Variants in TNS2 observed in about 807,000 individuals in gnomAD.
TNS2 encodes the protein tensin-2.
In TNS2, 77 loss-of-function variants were observed where a neutral mutation model predicts 155.7. That is an observed-to-expected ratio of 0.49 (90% CI 0.41 to 0.60). The LOEUF is 0.60. TNS2 is among the 20% of genes least tolerant of loss of function. The pLI, the probability that TNS2 is intolerant of heterozygous loss-of-function variation, is 0.00. For missense variants in TNS2, 1,703 were observed against 1,868.8 expected (o/e 0.91, Z 1.64); for synonymous variants, 726 against 763.9 (o/e 0.95, Z 0.82).
Position 53,060,545 on chromosome 12 carries a change from G to A in TNS2, c.2758G>A (p.Gly920Ser). ...CCTGCACACCAGCAGTCCAGTCCAG[G>A]GCAAGGAAAGGTATGCAGAGGGGCC... ...TPLHTSSPVQGKESTRRQDTR... is the reference protein window; with the variant it reads ...TPLHTSSPVQSKESTRRQDTR... The change falls in exon 19 of 29, where the codon GGC (glycine) becomes AGC (serine). Residue 920 changes from glycine (G) to serine (S), a missense_variant. Gly to Ser is a moderately conservative substitution (Grantham distance 56). Coordinates refer to ENST00000314250, the MANE Select transcript of TNS2 (RefSeq NM_170754.4). The surrounding 1 kb of genome is among the most constrained non-coding windows in gnomAD (Gnocchi z 6.1). The A allele has an allele frequency of 6.2e-7, 1 of 1,613,538 alleles. No individual in the cohort carries two copies. Among genetic ancestry groups the A allele is most frequent in the Non-Finnish European group, 8.5e-7 (1 of 1,179,934 alleles).
upstream of TNS2, among the ~76,000 whole-genome samples, chr12:53,047,551 CG>C (rs1458688832): frequency 6.2e-4 from 93 of 149,986 alleles, no homozygotes; most frequent in Non-Finnish European, 3.9e-4. Flanking sequence ...CTGGGAGCAG[CG>C]GGAGGCCGGG....
rs1944357898 is a variant in TNS2 at position 53,060,880 on chromosome 12, C to G, written c.2974C>G (p.Pro992Ala). 1 of 1,591,434 alleles carries G rather than the reference C, an allele frequency of 6.3e-7. No individual in the cohort carries two copies. Among genetic ancestry groups the G allele is most frequent in the Non-Finnish European group, 8.6e-7 (1 of 1,166,846 alleles). Reference sequence around the variant, plus strand: ...CAGTGACTGGCCTCAGGAAAGGAGTCCAGGGGGCCACTCAGATGGCGCCAG... The same window carrying G: ...CAGTGACTGGCCTCAGGAAAGGAGTGCAGGGGGCCACTCAGATGGCGCCAG... ...SPSDWPQERS[P>A]GGHSDGASPR... is the part of the protein sequence containing the mutation. The change falls in exon 20 of 29, where the codon CCA becomes GCA. Residue 992 changes from proline to alanine, a missense_variant. Transcript: ENST00000314250. The surrounding 1 kb of genome is among the most constrained non-coding windows in gnomAD (Gnocchi z 6.1).
intron 10 of TNS2, 125 bp downstream of exon 10, chr12:53,055,970 T>TATCTCCCCTGGAGC: frequency 4.2e-6 from 4 of 958,132 alleles, no homozygotes; most frequent in Admixed American, 2.5e-5. Context: ...GCTTAGCACT[T>TATCTCCCCTGGAGC]CCACCTCCCT....
At position 53,050,372 on chromosome 12, in the gene TNS2, C is replaced by A; in HGVS notation, c.75+112C>A. On this transcript the variant is annotated intron_variant, in intron 1 of 28. Coordinates refer to ENST00000314250, the MANE Select transcript of TNS2 (RefSeq NM_170754.4). This position sits in a 1 kb window ranked among gnomAD's most constrained non-coding sequence, Gnocchi z 4.7. ...TCTTCCCAATTTCAGCTTCCTCAGC[C>A]TTCTTCCCTGGCCCAGCATCCCCTC... The A allele has an allele frequency of 7.9e-7, 1 of 1,272,258 alleles. No homozygotes were observed. Among genetic ancestry groups the A allele is most frequent in the Non-Finnish European group, 1.1e-6 (1 of 931,804 alleles). The allele number at this position is 1,272,258 out of a possible 1,614,324, so 78.8% of individuals were successfully genotyped here.
chr12:53,057,385 T>C (rs1944197904), intron 11 of TNS2, among the ~76,000 whole-genome samples, 182 bp from the exon 12 acceptor site: 1 of 152,032 alleles, frequency 6.6e-6, no homozygotes, highest in Non-Finnish European at 1.5e-5. Flanking sequence ...GGAAAGAGCT[T>C]TGAGGCAGAG....
Position 53,063,236 on chromosome 12 carries a change from C to T in TNS2, c.3971C>T (p.Thr1324Ile). The change falls in exon 26 of 29, where the codon ACA becomes ATA. Residue 1324 changes from threonine (T) to isoleucine (I), a missense_variant. Coordinates refer to ENST00000314250, the MANE Select transcript of TNS2 (RefSeq NM_170754.4). The surrounding 1 kb of genome is among the most constrained non-coding windows in gnomAD (Gnocchi z 5.6). Reference protein sequence around the residue: ...VHFKVSAQGITLTDNQRKLFF... With the variant: ...VHFKVSAQGIILTDNQRKLFF... ...TTCAAGGTGTCAGCCCAGGGCATTA[C>T]ACTGACGGACAACCAAAGGAAGTAT... 1.2e-6 allele frequency: 2 copies of T among 1,612,808 alleles called. No homozygotes were observed. Among genetic ancestry groups the T allele is most frequent in the South Asian group, 1.1e-5 (1 of 90,926 alleles).
In TNS2 at chr12:53,059,159, G is replaced by A. The variant is rs779593342; in HGVS notation, c.1518G>A (p.Met506Ile). The change falls in exon 18 of 29, where the codon ATG becomes ATA. Residue 506 changes from methionine (M) to isoleucine (I), a missense_variant. Transcript: ENST00000314250. This position sits in a 1 kb window ranked among gnomAD's most constrained non-coding sequence, Gnocchi z 4.7. ...CTCCAGAGCCTCCACCACCCCCCAT[G>A]CTCTCTGTCAGCAGCGACTCAGGCC... ...APSPEPPPPPMLSVSSDSGHS... is the reference protein window; with the variant it reads ...APSPEPPPPPILSVSSDSGHS... The A allele has an allele frequency of 1.9e-6, 3 of 1,599,630 alleles. 1 individual carries two copies. Among genetic ancestry groups the A allele is most frequent in the South Asian group, 2.2e-5 (2 of 90,312 alleles).
At chr12:53,052,595 CCCTCTCA>C in intron 3 of TNS2, 103 bp downstream of exon 3, 1 of 1,482,020 alleles carries the variant, frequency 6.7e-7, no homozygotes, top group Non-Finnish European at 9.4e-7. Flanking sequence ...CCACCTCCAC[CCCTCTCA>C]CCACTGGGGA....
intron 6 of TNS2, 54 bp from the exon 7 acceptor site, chr12:53,054,216 A>G (rs1944044004): frequency 1.2e-6 from 2 of 1,608,382 alleles, no homozygotes; most frequent in African/African-American, 1.3e-5. Context: ...CCGTCACACT[A>G]GCCACCTCCG....
At chr12:53,062,890 G>C (rs75499526) in intron 25 of TNS2, 193 bp downstream of exon 25, 1 of 924,482 alleles carries the variant, frequency 1.1e-6, no homozygotes, top group African/African-American at 1.7e-5. Context: ...TGAACAAGAC[G>C]ATCATGGGGT....
In TNS2 at chr12:53,063,880, T is replaced by C; in HGVS notation, c.4228T>C (p.Ter1410ArgextTer38). The C allele has an allele frequency of 6.2e-7, 1 of 1,613,730 alleles. No individual in the cohort carries two copies. The highest frequency in any genetic ancestry group is 8.5e-7 in the Non-Finnish European group (1 of 1,179,918). The change falls in exon 29 of 29, where the codon TGA becomes CGA. Residue 1410 changes from the stop codon to arginine (R), a stop_lost. Coordinates refer to ENST00000314250, the MANE Select transcript of TNS2 (RefSeq NM_170754.4). The surrounding 1 kb of genome is among the most constrained non-coding windows in gnomAD (Gnocchi z 5.6). ...ITKVLLGQRK[*>R] ...CAAAGTTCTACTGGGCCAGAGAAAA[T>C]GAAGGAAGGCCACAAGCTCAGAGCC...
intron 21 of TNS2, 167 bp from the exon 22 acceptor site, chr12:53,061,648 G>A (rs1343268512): frequency 1.5e-6 from 2 of 1,370,194 alleles, no homozygotes; most frequent in East Asian, 2.4e-5. Flanking sequence ...GATCCAACAT[G>A]GTCAAAACCC....
At chr12:53,057,343 G>T (rs2078848887) in intron 11 of TNS2, among the ~76,000 whole-genome samples, 1 of 152,210 alleles carries the variant, frequency 6.6e-6, no homozygotes, top group African/African-American at 2.4e-5. Flanking sequence ...GACAGTCAGG[G>T]CCTGCCACTA....
Position 53,063,689 on chromosome 12 carries a change from T to A in TNS2, c.4092-55T>A. On this transcript the variant is annotated intron_variant, in intron 28 of 28. Transcript: ENST00000314250. This position sits in a 1 kb window ranked among gnomAD's most constrained non-coding sequence, Gnocchi z 5.6. Reference sequence around the variant, plus strand: ...TTTGATTTGTCTCACCAAGGCCAGCTACATTCCCTTGTGGAAGGAATGTTA... The same window carrying A: ...TTTGATTTGTCTCACCAAGGCCAGCAACATTCCCTTGTGGAAGGAATGTTA... The A allele has an allele frequency of 1.9e-6, 3 of 1,614,084 alleles. No individual in the cohort carries two copies. In the South Asian group the frequency reaches 3.3e-5, roughly 18 times the overall value.
chr12:53,057,434 T>C, intron 11 of TNS2, 133 bp from the exon 12 acceptor site: 2 of 775,210 alleles, frequency 2.6e-6, no homozygotes, highest in Non-Finnish European at 4.3e-6. Flanking sequence ...AAGGAAGAAC[T>C]TTCTGGTGAC....
At position 53,063,156 on chromosome 12, in the gene TNS2, G is replaced by A; in HGVS notation, c.3891G>A (p.Arg1297=). 10 of 1,609,890 alleles carry A rather than the reference G, an allele frequency of 6.2e-6. No individual in the cohort carries two copies. The highest frequency in any genetic ancestry group is 8.5e-6 in the Non-Finnish European group (10 of 1,178,494). ...TGACGGGCCCCCAAGCTGTGGCCCG[G>A]GCCAGCTCTGCAGCTCTGAGCTGTA... ...ESLTGPQAVA[R]ASSAALSCSP... The change falls in exon 26 of 29, where the codon CGG becomes CGA. Residue 1297 remains arginine, a synonymous_variant. Transcript: ENST00000314250. The surrounding 1 kb of genome is among the most constrained non-coding windows in gnomAD (Gnocchi z 5.6).
Position 53,060,058 on chromosome 12 carries a change from C to T in TNS2, c.2417C>T (p.Pro806Leu), listed in dbSNP as rs775020201. ...PSYCPAYGRVPHSCGSPGEGR... is the reference protein window; with the variant it reads ...PSYCPAYGRVLHSCGSPGEGR... ...TACTGCCCAGCATATGGCCGTGTGC[C>T]TCATAGCTGTGGCTCTCCAGGAGAG... Residue 806 changes from proline to leucine, a missense_variant, in exon 18 of 29, where the codon CCT becomes CTT. Physicochemically the swap from Pro to Leu is moderately conservative, Grantham distance 98. Coordinates refer to ENST00000314250, the MANE Select transcript of TNS2 (RefSeq NM_170754.4). This position sits in a 1 kb window ranked among gnomAD's most constrained non-coding sequence, Gnocchi z 6.1. The T allele has an allele frequency of 5.0e-6, 8 of 1,613,190 alleles. No individual in the cohort carries two copies. Among genetic ancestry groups the T allele is most frequent in the Non-Finnish European group, 5.9e-6 (7 of 1,179,828 alleles).
chr12:53,053,984 A>T lies in TNS2; in HGVS notation c.320A>T (p.Asn107Ile), dbSNP rs768143165. The T allele has an allele frequency of 1.8e-5, 29 of 1,614,196 alleles. No homozygotes were observed. The highest frequency in any genetic ancestry group is 2.5e-5 in the Non-Finnish European group (29 of 1,180,030). The change falls in exon 6 of 29, where the codon AAC becomes ATC. Residue 107 changes from asparagine (N) to isoleucine (I), a missense_variant. By Grantham distance (149) the Asn-to-Ile change is moderately radical. Coordinates refer to ENST00000314250, the MANE Select transcript of TNS2 (RefSeq NM_170754.4). ...CACCAGGGATCCACCAAATCTCTGAACCACTCAAAGCAGCGCAGCACTCTG... is the reference window on the plus strand; with the variant it reads ...CACCAGGGATCCACCAAATCTCTGATCCACTCAAAGCAGCGCAGCACTCTG... ...IEHLGSTKSLNHSKQRSTLPR... is the reference protein window; with the variant it reads ...IEHLGSTKSLIHSKQRSTLPR...
rs377288328 is a variant in TNS2, at chr12:53,055,675, C to T, written c.681C>T (p.Val227=). ...TCAGTGCTGACCCACAGCACGTGGTCGTACTATACTGCAAGGTGGGCCAGG... is the reference window on the plus strand; with the variant it reads ...TCAGTGCTGACCCACAGCACGTGGTTGTACTATACTGCAAGGTGGGCCAGG... ...TWLSADPQHV[V]VLYCKGNKGK... Residue 227 remains valine, a synonymous_variant, in exon 9 of 29, where the codon GTC becomes GTT. Coordinates refer to ENST00000314250, the MANE Select transcript of TNS2 (RefSeq NM_170754.4). 8 of 1,614,116 alleles carry T rather than the reference C, an allele frequency of 5.0e-6. No homozygotes were observed. Among genetic ancestry groups the T allele is most frequent in the South Asian group, 1.1e-5 (1 of 91,050 alleles).
Sources: gnomAD v4.1 joint callset for allele counts (sites outside exome capture counted in the v4.1 genomes callset) on GRCh38, gnomAD v4.1.1 for gene constraint, Gnocchi (gnomAD v3.1) non-coding constraint, MANE v1.5 for transcripts, NCBI Gene and HGNC (gene_info 2026-07-23, HGNC 2026-07-21) for gene names.